Variants in DPP10 observed in about 807,000 individuals in gnomAD.
DPP10 encodes the protein inactive dipeptidyl peptidase 10.
A neutral mutation model predicts 120.9 loss-of-function variants in DPP10; 33 were observed. That is an observed-to-expected ratio of 0.27 (90% confidence interval 0.21 to 0.37). The LOEUF is 0.37. Among genes scored for constraint, DPP10 ranks in the 10% least tolerant of loss-of-function variants. DPP10 has a pLI of 1.00. For synonymous variants in DPP10, 337 were observed against 326.1 expected, an observed-to-expected ratio of 1.03 and a Z score of -0.36; for missense variants, 816 against 942.8, an observed-to-expected ratio of 0.87 and a Z score of 1.76.
intron 1 of DPP10, among the ~76,000 whole-genome samples, chr2:114,541,194 G>A (rs1212281341): frequency 1.3e-5 from 2 of 152,160 alleles, no homozygotes; most frequent in Non-Finnish European, 2.9e-5. Flanking sequence ...TGTTTTAAAT[G>A]TACAGGAATC....
chr2:114,507,677 T>TA (rs143019155), intron 1 of DPP10, among the ~76,000 whole-genome samples: 6,023 of 152,246 alleles, frequency 0.04, 395 homozygotes, highest in African/African-American at 0.14. Context: ...AGAGACCTGG[T>TA]AATCAGGCAG....
intron 1 of DPP10, among the ~76,000 whole-genome samples, chr2:114,618,796 TA>T (rs1188565283): frequency 1.3e-5 from 2 of 151,980 alleles, no homozygotes; most frequent in African/African-American, 4.8e-5. Flanking sequence ...CAGTATAAAA[TA>T]ATGTAAAATA....
chr2:115,068,042 T>G (rs1707066590), intron 1 of DPP10, among the ~76,000 whole-genome samples: 1 of 152,032 alleles, frequency 6.6e-6, no homozygotes, highest in Non-Finnish European at 1.5e-5. Flanking sequence ...GGAATGCAGA[T>G]ATCTCTTCAA....
At chr2:114,888,142 C>CAA (rs1231068172) in intron 1 of DPP10, among the ~76,000 whole-genome samples, 68 of 66,316 alleles carry the variant, frequency 1.0e-3, no homozygotes, top group African/African-American at 3.1e-3. Context: ...GCCTCCGTCT[C>CAA]AAAAAAAAAA....
At chr2:114,732,979 C>T (rs370202827) in intron 1 of DPP10, among the ~76,000 whole-genome samples, 1 of 152,284 alleles carries the variant, frequency 6.6e-6, no homozygotes, top group East Asian at 1.9e-4. Context: ...CTCTATTTCA[C>T]TGCACCCACT....
At chr2:115,071,846 A>G (rs1405727007) in intron 1 of DPP10, among the ~76,000 whole-genome samples, 2 of 152,114 alleles carry the variant, frequency 1.3e-5, no homozygotes, top group Non-Finnish European at 2.9e-5. Context: ...TAATCTAGGC[A>G]CCTCAAAAAA....
chr2:114,628,619 C>T (rs1464465344), intron 1 of DPP10, among the ~76,000 whole-genome samples: 3 of 152,218 alleles, frequency 2.0e-5, no homozygotes, highest in Admixed American at 2.0e-4. Context: ...TTGCTGACAG[C>T]CTGACTCTCA....
intron 1 of DPP10, among the ~76,000 whole-genome samples, chr2:115,191,718 G>A (rs149639234): frequency 1.3e-3 from 193 of 152,196 alleles, no homozygotes; most frequent in African/African-American, 4.4e-3. Context: ...TCGGTAGTTA[G>A]GAGCACTAGG....
intron 1 of DPP10, among the ~76,000 whole-genome samples, chr2:115,029,201 G>A (rs989827415): frequency 6.6e-6 from 1 of 151,562 alleles, no homozygotes; most frequent in Admixed American, 6.6e-5. Flanking sequence ...GTTTTAATTT[G>A]TTGCTTTTTA....
chr2:114,576,960 A>C (rs1454017370), intron 1 of DPP10, among the ~76,000 whole-genome samples: 2 of 152,156 alleles, frequency 1.3e-5, no homozygotes, highest in African/African-American at 4.8e-5. Context: ...GCAAGAAGAC[A>C]TAGTTAATGG....
chr2:114,535,185 G>A (rs891228782), intron 1 of DPP10, among the ~76,000 whole-genome samples: 8 of 151,918 alleles, frequency 5.3e-5, no homozygotes, highest in South Asian at 2.1e-4. Context: ...CCAGTAACTC[G>A]GCTGGTGTAG....
intron 1 of DPP10, among the ~76,000 whole-genome samples, chr2:114,794,356 T>G (rs1683509108): frequency 6.6e-6 from 1 of 152,174 alleles, no homozygotes; most frequent in Non-Finnish European, 1.5e-5. Context: ...GGAGCCAAAA[T>G]TCATAGGCAA....
chr2:115,380,690 C>G lies in DPP10; in HGVS notation c.271+36778C>G, dbSNP rs1274880196. Among the ~76,000 whole-genome samples the G allele has an allele frequency of 3.0e-4, 46 of 151,962 alleles. 1 individual carries two copies. The highest frequency in any genetic ancestry group is 4.4e-5 in the Non-Finnish European group (3 of 67,974). On this transcript the variant is annotated intron_variant, in intron 3 of 25. Coordinates refer to ENST00000410059, the MANE Select transcript of DPP10 (RefSeq NM_020868.6). ...TGGCATGATTTTGCAGTGGCTGGTACCAGTTGTTCCTTTCCATGTTTAGTG... is the reference window on the plus strand; with the variant it reads ...TGGCATGATTTTGCAGTGGCTGGTAGCAGTTGTTCCTTTCCATGTTTAGTG...
intron 5 of DPP10, among the ~76,000 whole-genome samples, chr2:115,612,429 G>C (rs2084175963): frequency 6.6e-6 from 1 of 152,060 alleles, no homozygotes; most frequent in African/African-American, 2.4e-5. Flanking sequence ...AATATGGTTT[G>C]ACTAACCTCA....
chr2:114,529,126 C>G (rs547620250), intron 1 of DPP10, among the ~76,000 whole-genome samples: 1 of 152,068 alleles, frequency 6.6e-6, no homozygotes, highest in Non-Finnish European at 1.5e-5. Flanking sequence ...CCCCTACCTG[C>G]CAGGCTTTGG....
chr2:114,486,970 T>C (rs116770492), intron 1 of DPP10, among the ~76,000 whole-genome samples: 1,795 of 152,308 alleles, frequency 0.012, 38 homozygotes, highest in African/African-American at 0.039. Flanking sequence ...CATGTTGCAA[T>C]TTACATTTTG....
chr2:115,406,572 A>G (rs561264561), intron 3 of DPP10, among the ~76,000 whole-genome samples: 7 of 152,352 alleles, frequency 4.6e-5, no homozygotes, highest in South Asian at 2.1e-4. Flanking sequence ...AAATATAAAA[A>G]TAGGTTATAA....
intron 1 of DPP10, among the ~76,000 whole-genome samples, chr2:114,590,062 G>A (rs1442411386): frequency 6.6e-6 from 1 of 151,670 alleles, no homozygotes; most frequent in East Asian, 1.9e-4. Flanking sequence ...TTATCAACCA[G>A]TTTTCTAAGA....
intron 1 of DPP10, among the ~76,000 whole-genome samples, chr2:114,781,990 A>T (rs888825323): frequency 3.4e-4 from 52 of 152,092 alleles, no homozygotes; most frequent in Admixed American, 2.0e-4. Context: ...TATTCTTTAA[A>T]TGTCGTACAC....
Sources: allele counts gnomAD v4.1 joint callset (sites outside exome capture counted in the v4.1 genomes callset), GRCh38; gene constraint gnomAD v4.1.1; transcripts MANE v1.5; gene names NCBI Gene and HGNC (gene_info 2026-07-23, HGNC 2026-07-21).